Variants in RUNX2 observed in about 807,000 individuals in gnomAD.
RUNX2 encodes runt-related transcription factor 2.
Under a neutral mutation model 51.7 loss-of-function variants are expected in RUNX2, and 10 were observed. That is an observed-to-expected ratio of 0.19 (90% CI 0.12 to 0.33). The LOEUF (loss-of-function observed/expected upper bound fraction) is 0.33. RUNX2 is among the 10% of genes least tolerant of loss of function. The pLI is 1.00. For missense variants in RUNX2, 562 were observed against 691.3 expected (o/e 0.81, Z 2.10); for synonymous variants, 276 against 273.6 (o/e 1.01, Z -0.09).
chr6:45,352,260 A>G (rs995086399), intron 2 of RUNX2, among the ~76,000 whole-genome samples: 3 of 152,206 alleles, frequency 2.0e-5, no homozygotes, highest in Non-Finnish European at 2.9e-5. Flanking sequence ...AGAAAATACA[A>G]TAAAAAATAT....
At chr6:45,546,743 T>C (rs1802412230) in intron 8 of RUNX2, 84 bp from the exon 9 acceptor site, 3 of 1,224,918 alleles carry the variant, frequency 2.4e-6, no homozygotes, top group East Asian at 4.7e-5. Flanking sequence ...TAAAGTTTTC[T>C]CTTTTTTTTT....
intron 5 of RUNX2, among the ~76,000 whole-genome samples, chr6:45,455,930 T>A (rs1437261825): frequency 6.6e-5 from 10 of 152,240 alleles, no homozygotes; most frequent in Admixed American, 6.5e-4. Flanking sequence ...TAGTTTTTGA[T>A]AATTTAGATT....
At chr6:45,367,746 C>G (rs1563036603) in intron 2 of RUNX2, among the ~76,000 whole-genome samples, 1 of 152,124 alleles carries the variant, frequency 6.6e-6, no homozygotes, top group Non-Finnish European at 1.5e-5. Flanking sequence ...GTCAAATGTC[C>G]TGAGACACTG....
intron 4 of RUNX2, among the ~76,000 whole-genome samples, chr6:45,435,241 C>T (rs577937814): frequency 2.0e-5 from 3 of 152,298 alleles, no homozygotes; most frequent in East Asian, 3.9e-4. Context: ...CTACATGAGG[C>T]GTCACCCTGA....
In RUNX2 at chr6:45,399,348, CCTTTTTTTTTTTT is replaced by C. The variant is rs1797649720; in HGVS notation, c.59-23244_59-23232del. On this transcript the variant is annotated intron_variant, in intron 2 of 8. Transcript: ENST00000647337. ...TCTTTCTCATTTCTTTCTTTTCTTT[CCTTTTTTTTTTTT>C]TTTTTTTTTTTTTTTTGAGATGGAG... Among the ~76,000 whole-genome samples the C allele has an allele frequency of 5.1e-5, 5 of 97,294 alleles. No individual in the cohort carries two copies. In the South Asian group the frequency reaches 2.0e-3, roughly 40 times the overall value. The allele number at this position is 97,294 out of a possible 152,430, so 63.8% of individuals were successfully genotyped here.
chr6:45,503,000 C>G (rs144147808), intron 6 of RUNX2, among the ~76,000 whole-genome samples: 2 of 152,174 alleles, frequency 1.3e-5, no homozygotes, highest in Admixed American at 1.3e-4. Context: ...TTGCCTTCTT[C>G]CCAGGAACTG....
intron 2 of RUNX2, among the ~76,000 whole-genome samples, chr6:45,395,343 A>C (rs138613933): frequency 6.6e-6 from 1 of 152,216 alleles, no homozygotes; most frequent in Admixed American, 6.5e-5. Context: ...CTGAACATCT[A>C]TCAGCTGAAG....
At position 45,422,711 on chromosome 6, in the gene RUNX2, G is replaced by T; in HGVS notation, c.177G>T (p.Gln59His). ...AGCAGCAACAGCAGCAGCAGCAACA[G>T]CAGCAGCAGCAGCAGCAACAGCAGC... is the stretch of plus-strand genomic sequence containing the variant. ...QQQQQQQQQQ[Q>H]QQQQQQQQQQ... The change falls in exon 3 of 9, where the codon CAG (glutamine) becomes CAT (histidine). Residue 59 changes from glutamine (Q) to histidine (H), a missense_variant. Gln to His is a conservative substitution (Grantham distance 24). Around this residue, in one of 5 missense-constraint regions of RUNX2, gnomAD observed 153 missense variants for 144.8 expected, o/e 1.06. Transcript: ENST00000647337. The T allele has an allele frequency of 6.6e-7, 1 of 1,519,974 alleles. No homozygotes were observed. Among genetic ancestry groups the T allele is most frequent in the Non-Finnish European group, 8.9e-7 (1 of 1,124,046 alleles). 94.2% of individuals were successfully genotyped at this position (1,519,974 alleles called of 1,614,324 possible).
rs1301381331 is a variant in RUNX2 at position 45,401,004 on chromosome 6, T to C, written c.59-21589T>C. 2.0e-5 allele frequency among the ~76,000 whole-genome samples: 3 copies of C among 152,180 alleles called. No individual in the cohort carries two copies. In the East Asian group the frequency reaches 5.8e-4, roughly 29 times the overall value. ...ATGTAGAATCTAGGTGGTAAGTATA[T>C]GAGTGTTTGCTGTTTAAAAACAACT... On this transcript the variant is annotated intron_variant, in intron 2 of 8. Transcript: ENST00000647337.
At chr6:45,493,794 ATG>A (rs1429079055) in intron 6 of RUNX2, among the ~76,000 whole-genome samples, 4 of 151,740 alleles carry the variant, frequency 2.6e-5, no homozygotes, top group Admixed American at 6.6e-5. Context: ...ACACATATAT[ATG>A]TGTTTATATA....
chr6:45,348,512 C>CAAAAAAAA (rs754208599), intron 2 of RUNX2, among the ~76,000 whole-genome samples: 2 of 110,360 alleles, frequency 1.8e-5, no homozygotes, highest in African/African-American at 3.7e-5. Context: ...ACTAAAAATA[C>CAAAAAAAA]AAAAAAAAAA....
At chr6:45,328,874 T>C (rs1246678169) in intron 2 of RUNX2, 90 bp downstream of exon 2, 8 of 1,334,970 alleles carry the variant, frequency 6.0e-6, no homozygotes, top group African/African-American at 1.4e-5. Context: ...CTTTTCCAAA[T>C]AGCATATTAA....
At chr6:45,347,357 G>C (rs1791099385) in intron 2 of RUNX2, among the ~76,000 whole-genome samples, 1 of 152,092 alleles carries the variant, frequency 6.6e-6, no homozygotes, top group South Asian at 2.1e-4. Context: ...TCTTTCTCAA[G>C]TTACAAATGT....
At chr6:45,339,128 G>A (rs550805585) in intron 2 of RUNX2, among the ~76,000 whole-genome samples, 10 of 152,030 alleles carry the variant, frequency 6.6e-5, no homozygotes, top group Non-Finnish European at 1.3e-4. Context: ...TTGACTATAA[G>A]GCTAAGTAAT....
intron 2 of RUNX2, among the ~76,000 whole-genome samples, chr6:45,333,116 TAAAAC>T (rs1235035950): frequency 6.6e-6 from 1 of 151,840 alleles, no homozygotes; most frequent in East Asian, 1.9e-4. Context: ...GTTAGTATCT[TAAAAC>T]AAATCTTTAA....
intron 2 of RUNX2, among the ~76,000 whole-genome samples, chr6:45,334,871 G>T (rs574175333): frequency 7.3e-5 from 11 of 151,094 alleles, no homozygotes; most frequent in African/African-American, 2.7e-4. Flanking sequence ...CCAGTAACAG[G>T]GATTAGGCAT....
In RUNX2 at chr6:45,432,270, A is replaced by G. The variant is rs1039216863; in HGVS notation, c.580+251A>G. Among the ~76,000 whole-genome samples, 4 of 152,210 alleles carry G rather than the reference A, an allele frequency of 2.6e-5. No homozygotes were observed. The East Asian group carries it at 7.7e-4, about 29-fold the overall frequency. ...GCTCCTAATTTCACTGGGTGTGAGC[A>G]TATAAGGTAGAGAAAAGAACAGTTG... is the stretch of plus-strand genomic sequence containing the variant. On this transcript the variant is annotated intron_variant, in intron 4 of 8. Coordinates refer to ENST00000647337, the MANE Select transcript of RUNX2 (RefSeq NM_001024630.4).
chr6:45,421,742 A>T (rs1389860746), intron 2 of RUNX2: 2 of 152,234 alleles, frequency 1.3e-5, no homozygotes, highest in Non-Finnish European at 2.9e-5. Flanking sequence ...GAAACTGCAC[A>T]CGGCGCGCGG....
At chr6:45,477,140 A>G (rs1035896009) in intron 5 of RUNX2, among the ~76,000 whole-genome samples, 1 of 152,160 alleles carries the variant, frequency 6.6e-6, no homozygotes, top group Non-Finnish European at 1.5e-5. Flanking sequence ...TTCAGTGGCC[A>G]CTGCATGGGT....
Sources: gnomAD v4.1 joint callset for allele counts (sites outside exome capture counted in the v4.1 genomes callset) on GRCh38, gnomAD v4.1.1 for gene constraint, gnomAD v4.1.1 regional missense constraint, MANE v1.5 for transcripts, NCBI Gene and HGNC (gene_info 2026-07-23, HGNC 2026-07-21) for gene names.